Variants in MARCHF10 observed in about 807,000 individuals in gnomAD.
MARCHF10 encodes the protein membrane associated ring-CH-type finger 10.
A neutral mutation model predicts 76.2 loss-of-function variants in MARCHF10; 64 were observed. The ratio of observed to expected loss-of-function variants is 0.84; its 90% CI spans 0.69 to 1.03. The LOEUF (loss-of-function observed/expected upper bound fraction) is 1.03, where lower values mean the gene tolerates loss of function less well. MARCHF10 is among the 50% of genes least tolerant of loss of function. The pLI is 0.00. For missense variants in MARCHF10, 875 were observed against 958.0 expected, an observed-to-expected ratio of 0.91 and a Z score of 1.14; for synonymous variants, 340 against 357.5, an observed-to-expected ratio of 0.95 and a Z score of 0.55.
intron 3 of MARCHF10, among the ~76,000 whole-genome samples, chr17:62,778,351 T>C (rs1253846504): frequency 6.6e-6 from 1 of 152,116 alleles, no homozygotes; most frequent in Non-Finnish European, 1.5e-5. Context: ...GAATGTTTAA[T>C]AAAGGAGTGT....
intron 3 of MARCHF10, among the ~76,000 whole-genome samples, chr17:62,773,577 C>T (rs1051409986): frequency 4.6e-5 from 7 of 152,172 alleles, no homozygotes; most frequent in East Asian, 3.9e-4. Context: ...CAATTAAATG[C>T]GGATGGGAAG....
chr17:62,787,783 G>A (rs1016756300), intron 3 of MARCHF10, among the ~76,000 whole-genome samples: 2 of 150,756 alleles, frequency 1.3e-5, no homozygotes, highest in Admixed American at 1.3e-4. Flanking sequence ...GATAAGGATA[G>A]GTGATAGATA....
intron 3 of MARCHF10, among the ~76,000 whole-genome samples, chr17:62,783,328 T>C (rs1182073119): frequency 6.7e-6 from 1 of 148,514 alleles, no homozygotes; most frequent in African/African-American, 2.5e-5. Flanking sequence ...TTGAAACCAA[T>C]GAGAACAAAG....
intron 8 of MARCHF10, among the ~76,000 whole-genome samples, chr17:62,714,871 G>A (rs1343085838): frequency 2.0e-5 from 3 of 151,944 alleles, no homozygotes; most frequent in Admixed American, 6.6e-5. Flanking sequence ...TCAGCCTCCC[G>A]AGTAGCTGGG....
intron 3 of MARCHF10, among the ~76,000 whole-genome samples, chr17:62,783,590 G>A (rs1422961789): frequency 6.6e-6 from 1 of 152,044 alleles, no homozygotes; most frequent in African/African-American, 2.4e-5. Flanking sequence ...TCCTGGAGCT[G>A]TTTTTTTGAA....
chr17:62,748,668 C>T (rs2091792748), intron 4 of MARCHF10, among the ~76,000 whole-genome samples: 1 of 152,044 alleles, frequency 6.6e-6, no homozygotes, highest in Non-Finnish European at 1.5e-5. Flanking sequence ...CATTTGAGCC[C>T]CAGGAGGTCG....
intron 6 of MARCHF10, among the ~76,000 whole-genome samples, chr17:62,730,820 G>A (rs2090993913): frequency 6.6e-6 from 1 of 152,078 alleles, no homozygotes; most frequent in Admixed American, 6.6e-5. Context: ...CTTGAACCCG[G>A]GAGGCGGAGC....
In MARCHF10 at chr17:62,758,939, C is replaced by T. The variant is rs79993088; in HGVS notation, c.382+896G>A. The stretch of plus-strand genomic sequence containing the variant: ...CTGTTGTCTTTGATGGAGATGAGCC[C>T]GAGAGACATTAAAGTTTCAGTGAAT... On this transcript the variant is annotated intron_variant, in intron 4 of 10. Coordinates refer to ENST00000311269, the MANE Select transcript of MARCHF10 (RefSeq NM_152598.4). 6.8e-3 allele frequency among the ~76,000 whole-genome samples: 1,031 copies of T among 152,194 alleles called. 8 individuals carry two copies. Among genetic ancestry groups the T allele is most frequent in the African/African-American group, 0.023 (969 of 41,516 alleles).
intron 3 of MARCHF10, among the ~76,000 whole-genome samples, chr17:62,776,374 C>T (rs1369903788): frequency 6.6e-6 from 1 of 152,160 alleles, no homozygotes. Flanking sequence ...GCAGGATCAC[C>T]CTCGTGCAAG....
chr17:62,797,923 GACTTGGTA>G (rs1206591372), intron 2 of MARCHF10, among the ~76,000 whole-genome samples: 2 of 152,144 alleles, frequency 1.3e-5, no homozygotes, highest in African/African-American at 4.8e-5. Flanking sequence ...TACTTGGCAG[GACTTGGTA>G]ACTGGTGGGA....
chr17:62,746,725 C>G (rs1489738085), intron 4 of MARCHF10: 5 of 640,460 alleles, frequency 7.8e-6, no homozygotes, highest in Non-Finnish European at 1.3e-5. Context: ...AGGTCAGGAC[C>G]TGGCCCCAAG....
chr17:62,759,770 CTGT>C (rs1207522528), intron 4 of MARCHF10, 62 bp downstream of exon 4: 21 of 1,543,128 alleles, frequency 1.4e-5, no homozygotes, highest in East Asian at 2.2e-5. Flanking sequence ...CGTGCTCGGC[CTGT>C]TGTTGTTATT....
At chr17:62,793,690 C>CACA (rs1353488679) in intron 2 of MARCHF10, among the ~76,000 whole-genome samples, 4 of 150,364 alleles carry the variant, frequency 2.7e-5, no homozygotes, top group African/African-American at 2.4e-5. Context: ...TCACCACCAC[C>CACA]ACAACCATTA....
intron 2 of MARCHF10, among the ~76,000 whole-genome samples, chr17:62,798,675 T>A (rs890794103): frequency 2.6e-5 from 4 of 152,008 alleles, no homozygotes; most frequent in African/African-American, 9.7e-5. Flanking sequence ...GAGCTGGCTG[T>A]TTGGGGACAT....
At chr17:62,721,804 A>G (rs989572942) in intron 8 of MARCHF10, among the ~76,000 whole-genome samples, 3 of 152,132 alleles carry the variant, frequency 2.0e-5, no homozygotes, top group African/African-American at 7.2e-5. Context: ...GTTACTTGGT[A>G]TTTAAATTAG....
chr17:62,728,814 A>C (rs1408703696), intron 6 of MARCHF10, among the ~76,000 whole-genome samples: 1 of 152,254 alleles, frequency 6.6e-6, no homozygotes, highest in Non-Finnish European at 1.5e-5. Flanking sequence ...TAATGCACTA[A>C]ATAAAAGCAA....
chr17:62,787,385 C>G (rs543095959), intron 3 of MARCHF10, among the ~76,000 whole-genome samples: 1 of 152,114 alleles, frequency 6.6e-6, no homozygotes, highest in African/African-American at 2.4e-5. Flanking sequence ...CAGGATCTAT[C>G]TCAGGATCCA....
chr17:62,781,355 C>T (rs553555848), intron 3 of MARCHF10, among the ~76,000 whole-genome samples: 8 of 152,248 alleles, frequency 5.3e-5, no homozygotes, highest in African/African-American at 1.4e-4. Context: ...AAGTCTCCTT[C>T]GTTTTCACAA....
At chr17:62,713,279 G>A (rs1221432236) in intron 8 of MARCHF10, among the ~76,000 whole-genome samples, 2 of 152,138 alleles carry the variant, frequency 1.3e-5, no homozygotes, top group African/African-American at 2.4e-5. Context: ...TTGAGACACC[G>A]GGATGCATGA....
Sources: allele counts gnomAD v4.1 joint callset (sites outside exome capture counted in the v4.1 genomes callset), GRCh38; gene constraint gnomAD v4.1.1; transcripts MANE v1.5; gene names NCBI Gene and HGNC (gene_info 2026-07-23, HGNC 2026-07-21).